The following SIGLEC11 variants were observed in gnomAD, a reference collection of about 807,000 sequenced individuals.
The protein encoded by SIGLEC11 is sialic acid-binding Ig-like lectin 11.
In SIGLEC11, 47 loss-of-function variants were observed where a neutral mutation model predicts 61.2. The observed-to-expected ratio is 0.77, with a 90% CI of 0.61 to 0.98. SIGLEC11 has a LOEUF of 0.98. Among genes scored for constraint, SIGLEC11 ranks in the 50% least tolerant of loss-of-function variants. The pLI, the probability that SIGLEC11 is intolerant of heterozygous loss-of-function variation, is 0.00. For missense variants in SIGLEC11, 610 were observed against 870.3 expected (o/e 0.70, Z 3.76); for synonymous variants, 278 against 373.1 (o/e 0.75, Z 2.94).
chr19:49,952,563 T>TA (rs1283796371), intron 8 of SIGLEC11, among the ~76,000 whole-genome samples, 169 bp from the exon 9 acceptor site: 1 of 152,140 alleles, frequency 6.6e-6, no homozygotes, highest in Non-Finnish European at 1.5e-5. Context: ...AGGAAAGGGT[T>TA]AAAAAAAGAA....
In SIGLEC11 at chr19:49,950,237, C is replaced by T. The variant is rs1301073008; in HGVS notation, c.1831-1G>A. On this transcript the variant is annotated splice_acceptor_variant, in intron 10 of 10. Transcript: ENST00000447370. LOFTEE classifies it high-confidence loss of function. ...CTGCCGAGCATTCATGCTGGTGACCCTGAATGCAGGGGAGAAAGGGGGTCA... is the reference window on the plus strand; with the variant it reads ...CTGCCGAGCATTCATGCTGGTGACCTTGAATGCAGGGGAGAAAGGGGGTCA... 6.4e-7 allele frequency: 1 copy of T among 1,574,486 alleles called. No homozygotes were observed. The highest frequency in any genetic ancestry group is 2.3e-5 in the East Asian group (1 of 44,076).
chr19:49,959,205 G>A, intron 5 of SIGLEC11, 128 bp from the exon 6 acceptor site: 1 of 1,464,822 alleles, frequency 6.8e-7, no homozygotes, highest in East Asian at 2.3e-5. Flanking sequence ...CACCCACTGA[G>A]TCCCAGACAC....
In SIGLEC11 at chr19:49,950,129, G is replaced by T; in HGVS notation, c.1938C>A (p.Ser646=). The T allele has an allele frequency of 6.2e-7, 1 of 1,612,728 alleles. No homozygotes were observed. Among genetic ancestry groups the T allele is most frequent in the Non-Finnish European group, 8.5e-7 (1 of 1,179,654 alleles). ...AGAGCCTCAGGCCCTGGAAGCTGAG[G>T]GAGGCATAGTGGAGCTCCTGCTCTT... ...KGEEQELHYA[S]LSFQGLRLWE... The change falls in exon 11 of 11, where the codon TCC becomes TCA. Residue 646 remains serine (S), a synonymous_variant. Transcript: ENST00000447370.
chr19:49,955,425 C>G lies in SIGLEC11; in HGVS notation c.1651+2858G>C, dbSNP rs1233203233. On this transcript the variant is annotated intron_variant, in intron 8 of 10. Coordinates refer to ENST00000447370, the MANE Select transcript of SIGLEC11 (RefSeq NM_052884.3). The surrounding 1 kb of genome is among the most constrained non-coding windows in gnomAD (Gnocchi z 4.5). ...TGGACTACGGCTGTGCAGATCCTAC[C>G]TAGCCCAAAAAAGTAAGTGTGAAAA... is the stretch of plus-strand genomic sequence containing the variant. Among the ~76,000 whole-genome samples the G allele has an allele frequency of 6.6e-6, 1 of 151,906 alleles. No homozygotes were observed. The highest frequency in any genetic ancestry group is 1.5e-5 in the Non-Finnish European group (1 of 68,022).
Position 49,951,977 on chromosome 19 carries a change from G to C in SIGLEC11, c.1749-5C>G, listed in dbSNP as rs547718342. On this transcript the variant is annotated splice_region_variant and splice_polypyrimidine_tract_variant and intron_variant, in intron 9 of 10. Transcript: ENST00000447370. The surrounding 1 kb of genome is among the most constrained non-coding windows in gnomAD (Gnocchi z 4.6). The stretch of plus-strand genomic sequence containing the variant: ...TCCTTCCTGCAGATCTTCACCCTGA[G>C]GGAGGAGGCAGTGCCCTTCAGCCTC... 6.2e-7 allele frequency: 1 copy of C among 1,607,526 alleles called. No individual in the cohort carries two copies. The highest frequency in any genetic ancestry group is 1.1e-5 in the South Asian group (1 of 90,190).
rs374803807 is a variant in SIGLEC11 at position 49,960,161 on chromosome 19, T to G, written c.721A>C (p.Arg241=). ...DFSRKGVSAQ[R]TVRLRVAYAP... ...CAGGCCACACGGAGTCGGACGGTCC[T>G]CTGTGCGCTCACACCCTTTCTGGAG... Residue 241 remains arginine (R), a synonymous_variant, in exon 3 of 11, where the codon AGG becomes CGG. Coordinates refer to ENST00000447370, the MANE Select transcript of SIGLEC11 (RefSeq NM_052884.3). The G allele has an allele frequency of 1.2e-5, 18 of 1,478,076 alleles. No homozygotes were observed. In the East Asian group the frequency reaches 4.1e-4, roughly 34 times the overall value. 91.6% of individuals were successfully genotyped at this position (1,478,076 alleles called of 1,614,324 possible).
chr19:49,960,408 C>T lies in SIGLEC11; in HGVS notation c.474G>A (p.Lys158=). ...FFLKVTALTK[K]PDVYIPETLE... ...GGGTCTCGGGGATGTAGACATCAGG[C>T]TTCTTAGTCAGGGCTGGGACAGAGA... is the stretch of plus-strand genomic sequence containing the variant. Residue 158 remains lysine (K), a synonymous_variant, in exon 3 of 11, where the codon AAG becomes AAA. Coordinates refer to ENST00000447370, the MANE Select transcript of SIGLEC11 (RefSeq NM_052884.3). The T allele has an allele frequency of 6.3e-7, 1 of 1,594,252 alleles. No individual in the cohort carries two copies. Among genetic ancestry groups the T allele is most frequent in the East Asian group, 2.2e-5 (1 of 44,802 alleles).
intron 8 of SIGLEC11, among the ~76,000 whole-genome samples, chr19:49,957,008 G>A (rs1600614666): frequency 1.3e-5 from 2 of 152,188 alleles, no homozygotes; most frequent in African/African-American, 4.8e-5. Flanking sequence ...TTCAAACTTG[G>A]AAAGGGTGGT....
chr19:49,954,053 C>G (rs2076178259), intron 8 of SIGLEC11, among the ~76,000 whole-genome samples: 1 of 152,028 alleles, frequency 6.6e-6, no homozygotes, highest in South Asian at 2.1e-4. Context: ...CCTGAGTATC[C>G]CGATCAATTT....
chr19:49,958,725 T>G lies in SIGLEC11; in HGVS notation c.1281A>C (p.Gln427His), dbSNP rs547243506. 226 of 1,613,674 alleles carry G rather than the reference T, an allele frequency of 1.4e-4. 2 individuals carry two copies. The South Asian group carries it at 2.4e-3, about 17-fold the overall frequency. ...DPGVLELPPI[Q>H]MEHEGEFTCH... Reference sequence around the variant, plus strand: ...AGGTGAACTCTCCTTCGTGCTCCATTTGAATGGGTGGCAGCTCCAGGACCC... The same window carrying G: ...AGGTGAACTCTCCTTCGTGCTCCATGTGAATGGGTGGCAGCTCCAGGACCC... Residue 427 changes from glutamine (Q) to histidine (H), a missense_variant, in exon 7 of 11, where the codon CAA (glutamine) becomes CAC (histidine). Physicochemically the swap from Gln to His is conservative, Grantham distance 24 (BLOSUM62 0). Transcript: ENST00000447370.
intron 8 of SIGLEC11, among the ~76,000 whole-genome samples, chr19:49,954,433 T>C (rs1454206158): frequency 6.6e-6 from 1 of 152,194 alleles, no homozygotes; most frequent in East Asian, 1.9e-4. Flanking sequence ...GTCTCAGATC[T>C]GGCCGTGCTT....
rs1436905678 is a variant in SIGLEC11, at chr19:49,951,394, AC to A, written c.1830+496del. The stretch of plus-strand genomic sequence containing the variant: ...TTTTCATCTGTATCGGTCACTATAA[AC>A]CATCACCACGAGGATCACAGCTCTC... On this transcript the variant is annotated intron_variant, in intron 10 of 10. Coordinates refer to ENST00000447370, the MANE Select transcript of SIGLEC11 (RefSeq NM_052884.3). The surrounding 1 kb of genome is among the most constrained non-coding windows in gnomAD (Gnocchi z 4.6). 9.9e-5 allele frequency among the ~76,000 whole-genome samples: 15 copies of A among 152,158 alleles called. No individual in the cohort carries two copies. The East Asian group carries it at 2.7e-3, about 27-fold the overall frequency.
rs138574928 is a variant in SIGLEC11, at chr19:49,949,703, A to G, written c.*267T>C. ...CTAAAAATATAACAATGAGCCTGGCATGGTGGCTCACAATTGTAGTCCCAG... is the reference window on the plus strand; with the variant it reads ...CTAAAAATATAACAATGAGCCTGGCGTGGTGGCTCACAATTGTAGTCCCAG... On this transcript the variant is annotated 3_prime_UTR_variant, in exon 11 of 11. Coordinates refer to ENST00000447370, the MANE Select transcript of SIGLEC11 (RefSeq NM_052884.3). 1.1e-3 allele frequency: 302 copies of G among 280,950 alleles called. 1 individual carries two copies. The highest frequency in any genetic ancestry group is 6.0e-3 in the African/African-American group (274 of 46,046). 17.4% of individuals were successfully genotyped at this position (280,950 alleles called of 1,614,324 possible). A position where few individuals can be genotyped will look rare whatever the true frequency, so the allele number is the denominator to read the frequency against.
At chr19:49,957,394 A>AAC (rs1205893079) in intron 8 of SIGLEC11, among the ~76,000 whole-genome samples, 3 of 150,806 alleles carry the variant, frequency 2.0e-5, no homozygotes, top group South Asian at 4.7e-4. Flanking sequence ...GTTAAAAAAA[A>AAC]AACAAAAAAA....
In SIGLEC11 at chr19:49,955,212, C is replaced by T. The variant is rs765821324; in HGVS notation, c.1652-2818G>A. On this transcript the variant is annotated intron_variant, in intron 8 of 10. Transcript: ENST00000447370. This position sits in a 1 kb window ranked among gnomAD's most constrained non-coding sequence, Gnocchi z 4.5. ...AACGGGAAAGAGCGAAAGCAACAAG[C>T]GAGGCACCAAGCAGCTAGGCACACC... 3.2e-4 allele frequency among the ~76,000 whole-genome samples: 48 copies of T among 150,544 alleles called. No individual in the cohort carries two copies. Among genetic ancestry groups the T allele is most frequent in the Non-Finnish European group, 1.0e-4 (7 of 67,896 alleles).
At chr19:49,959,682 G>GGCC in intron 4 of SIGLEC11, 59 bp from the exon 5 acceptor site, 25 of 164,014 alleles carry the variant, frequency 1.5e-4, no homozygotes, top group East Asian at 2.3e-4. Context: ...GGGAGGGGGG[G>GGCC]CTGCAAAGAG....
Position 49,949,903 on chromosome 19 carries a change from A to G in SIGLEC11, c.*67T>C. ...GGGGATGGGGCTGAAATCTGAGTCC[A>G]GTTCTGGCCGTCACACCAGTGCGAC... On this transcript the variant is annotated 3_prime_UTR_variant, in exon 11 of 11. Transcript: ENST00000447370. The G allele has an allele frequency of 7.5e-7, 1 of 1,331,470 alleles. No individual in the cohort carries two copies. The highest frequency in any genetic ancestry group is 9.7e-7 in the Non-Finnish European group (1 of 1,030,202). 82.5% of individuals were successfully genotyped at this position (1,331,470 alleles called of 1,614,324 possible).
chr19:49,958,906 G>A lies in SIGLEC11; in HGVS notation c.1106-6C>T, dbSNP rs554094343. ...GTTCCCGAGGTTTTCCAGGACTAGG[G>A]AAGGAAGAGGCAGAATCGACGTGCA... On this transcript the variant is annotated splice_region_variant and splice_polypyrimidine_tract_variant and intron_variant, in intron 6 of 10. Coordinates refer to ENST00000447370, the MANE Select transcript of SIGLEC11 (RefSeq NM_052884.3). 9 of 1,602,464 alleles carry A rather than the reference G, an allele frequency of 5.6e-6. No homozygotes were observed. The highest frequency in any genetic ancestry group is 7.7e-6 in the Non-Finnish European group (9 of 1,173,242).
chr19:49,952,826 G>A (rs151333014), intron 8 of SIGLEC11, among the ~76,000 whole-genome samples: 199 of 152,160 alleles, frequency 1.3e-3, no homozygotes, highest in Admixed American at 2.1e-3. Flanking sequence ...AAGGCCACCA[G>A]CTATGCAAGG....
Sources: allele counts gnomAD v4.1 joint callset (sites outside exome capture counted in the v4.1 genomes callset), GRCh38; gene constraint gnomAD v4.1.1; non-coding constraint Gnocchi (gnomAD v3.1); transcripts MANE v1.5; gene names NCBI Gene and HGNC (gene_info 2026-07-23, HGNC 2026-07-21).